The following NEXN variants were observed in gnomAD, a reference collection of about 807,000 sequenced individuals.
NEXN encodes nexilin F-actin binding protein.
Under a neutral mutation model 92.6 loss-of-function variants are expected in NEXN, and 65 were observed. The ratio of observed to expected loss-of-function variants is 0.70; its 90% CI spans 0.57 to 0.86. NEXN has a LOEUF of 0.86. Ranked by LOEUF, NEXN falls within the 40% of genes least tolerant of loss-of-function variation. NEXN has a pLI of 0.00. For synonymous variants in NEXN, 254 were observed against 242.5 expected (o/e 1.05, Z -0.44); for missense variants, 778 against 771.1 (o/e 1.01, Z -0.11).
At chr1:77,919,148 T>C (rs1204972054) in intron 5 of NEXN, among the ~76,000 whole-genome samples, 1 of 152,162 alleles carries the variant, frequency 6.6e-6, no homozygotes, top group Non-Finnish European at 1.5e-5. Context: ...AAACCTCTGA[T>C]AAAACCATCA....
At chr1:77,906,422 G>A (rs1481043351) in intron 1 of NEXN, among the ~76,000 whole-genome samples, 1 of 152,046 alleles carries the variant, frequency 6.6e-6, no homozygotes, top group Non-Finnish European at 1.5e-5. Context: ...TTTTCTTAAT[G>A]TGCATGAAAA....
intron 11 of NEXN, among the ~76,000 whole-genome samples, chr1:77,937,278 T>C (rs1436920104): frequency 1.3e-5 from 2 of 152,126 alleles, no homozygotes; most frequent in African/African-American, 4.8e-5. Flanking sequence ...CACTCCAGCC[T>C]GGGGGTCAGA....
At chr1:77,933,251 G>A in intron 9 of NEXN, 31 bp from the exon 10 acceptor site, 1 of 1,321,010 alleles carries the variant, frequency 7.6e-7, no homozygotes, top group Non-Finnish European at 1.1e-6. Context: ...TGTAATTCTG[G>A]CCAGAGTGAT....
intron 12 of NEXN, 95 bp from the exon 13 acceptor site, chr1:77,942,366 T>A: frequency 6.9e-7 from 1 of 1,453,194 alleles, no homozygotes. Flanking sequence ...GTATGTTCTT[T>A]ACTTAAAAAA....
In NEXN at chr1:77,916,142, C is replaced by A; in HGVS notation, c.27+9C>A. The A allele has an allele frequency of 6.3e-7, 1 of 1,597,272 alleles. No homozygotes were observed. The highest frequency in any genetic ancestry group is 1.1e-5 in the South Asian group (1 of 89,380). ...TTTCCCAAAAGGCTGAGGTAAGTCT[C>A]AAAAGTAAAAATAAAAATAAAAGAG... On this transcript the variant is annotated intron_variant, in intron 2 of 12. Transcript: ENST00000334785.
intron 6 of NEXN, among the ~76,000 whole-genome samples, chr1:77,925,940 T>C (rs1215685998): frequency 2.0e-5 from 3 of 152,076 alleles, no homozygotes; most frequent in African/African-American, 7.2e-5. Flanking sequence ...AAATGTTTAA[T>C]AAATCACTTG....
At chr1:77,900,539 A>C (rs1283919764) in intron 1 of NEXN, among the ~76,000 whole-genome samples, 1 of 152,182 alleles carries the variant, frequency 6.6e-6, no homozygotes, top group Non-Finnish European at 1.5e-5. Flanking sequence ...AAAATAATGT[A>C]TTGTAAATAC....
chr1:77,908,392 C>CCCCCCCCT (rs1557967296), intron 1 of NEXN, among the ~76,000 whole-genome samples: 1 of 97,596 alleles, frequency 1.0e-5, no homozygotes, highest in African/African-American at 3.8e-5. Flanking sequence ...TCCCCTACCT[C>CCCCCCCCT]TATTTTTTTT....
Position 77,926,742 on chromosome 1 carries a change from A to G in NEXN, c.714A>G (p.Lys238=). ...ATGATGAAATAGAAAGTGAAGCAAA[A>G]AAAGAATCACTTTCTCCCGGAAAAT... ...VMDDEIESEA[K]KESLSPGKLK... Residue 238 remains lysine, a synonymous_variant, in exon 8 of 13, where the codon AAA becomes AAG. Coordinates refer to ENST00000334785, the MANE Select transcript of NEXN (RefSeq NM_144573.4). The G allele has an allele frequency of 3.1e-6, 5 of 1,613,862 alleles. No homozygotes were observed. Among genetic ancestry groups the G allele is most frequent in the Non-Finnish European group, 3.4e-6 (4 of 1,179,946 alleles).
chr1:77,938,536 C>T (rs1333372960), intron 11 of NEXN, among the ~76,000 whole-genome samples: 1 of 148,806 alleles, frequency 6.7e-6, no homozygotes, highest in African/African-American at 2.5e-5. Flanking sequence ...ATAGTCCCAG[C>T]TACTCAGGAG....
At chr1:77,904,558 G>A (rs74092328) in intron 1 of NEXN, among the ~76,000 whole-genome samples, 14,135 of 152,150 alleles carry the variant, frequency 0.093, 1,219 homozygotes, top group African/African-American at 0.23. Flanking sequence ...ATAGCTTTTG[G>A]GGGTTATTTT....
At chr1:77,905,430 C>T (rs757079400) in intron 1 of NEXN, among the ~76,000 whole-genome samples, 3 of 152,048 alleles carry the variant, frequency 2.0e-5, no homozygotes, top group Non-Finnish European at 2.9e-5. Flanking sequence ...GTGGCTCATG[C>T]TTGTAATCCC....
Position 77,897,498 on chromosome 1 carries a change from T to A in NEXN, c.-53+8739T>A, listed in dbSNP as rs1275620198. On this transcript the variant is annotated intron_variant, in intron 1 of 12. Transcript: ENST00000334785. ...AAACTCTCAATAAATTAGGTATTGA[T>A]GGGATGTATCTCAAAATAATAAGAG... Among the ~76,000 whole-genome samples the A allele has an allele frequency of 5.9e-5, 9 of 152,340 alleles. No homozygotes were observed. In the South Asian group the frequency reaches 1.9e-3, roughly 32 times the overall value.
chr1:77,927,712 G>T (rs1335602474), intron 8 of NEXN, among the ~76,000 whole-genome samples: 1 of 151,772 alleles, frequency 6.6e-6, no homozygotes, highest in East Asian at 1.9e-4. Flanking sequence ...TGTAACCATG[G>T]ACAACTGTTT....
chr1:77,925,411 T>TGTTTGAAAA (rs1649766506), intron 6 of NEXN, among the ~76,000 whole-genome samples, 182 bp downstream of exon 6: 1 of 152,216 alleles, frequency 6.6e-6, no homozygotes, highest in South Asian at 2.1e-4. Flanking sequence ...TATAGCTTAG[T>TGTTTGAAAA]GTTTTTAAAG....
intron 10 of NEXN, 108 bp downstream of exon 10, chr1:77,933,587 C>T (rs2102147624): frequency 1.1e-6 from 1 of 899,880 alleles, no homozygotes; most frequent in East Asian, 2.7e-5. Context: ...GGATAGTTGA[C>T]ATAGTATTAT....
chr1:77,931,428 A>G (rs1255737301), intron 9 of NEXN, among the ~76,000 whole-genome samples: 1 of 149,146 alleles, frequency 6.7e-6, no homozygotes, highest in Non-Finnish European at 1.5e-5. Context: ...AAAAAAAAAA[A>G]AAAAAAAAAA....
intron 1 of NEXN, among the ~76,000 whole-genome samples, chr1:77,897,879 G>A (rs1467714603): frequency 6.6e-6 from 1 of 151,562 alleles, no homozygotes; most frequent in Non-Finnish European, 1.5e-5. Flanking sequence ...GACAAACAGA[G>A]AGCCAAATCA....
At chr1:77,919,722 C>A (rs943961760) in intron 5 of NEXN, among the ~76,000 whole-genome samples, 1 of 151,850 alleles carries the variant, frequency 6.6e-6, no homozygotes. Context: ...GTCTCAACCT[C>A]CTGAGTAGCA....
Sources: allele counts gnomAD v4.1 joint callset (sites outside exome capture counted in the v4.1 genomes callset), GRCh38; gene constraint gnomAD v4.1.1; transcripts MANE v1.5; gene names NCBI Gene and HGNC (gene_info 2026-07-23, HGNC 2026-07-21).